The following ANGPT1 variants were observed in gnomAD, a reference collection of about 807,000 sequenced individuals.
The protein encoded by ANGPT1 is angiopoietin 1, also known as angiopoietin-1.
A neutral mutation model predicts 62.2 loss-of-function variants in ANGPT1; 17 were observed. The observed-to-expected ratio is 0.27, with a 90% CI of 0.19 to 0.41. ANGPT1 has a LOEUF of 0.41. ANGPT1 is among the 10% of genes least tolerant of loss of function. The pLI is 1.00. For synonymous variants in ANGPT1, 199 were observed against 198.9 expected (o/e 1.00, Z 0.00); for missense variants, 478 against 594.9 (o/e 0.80, Z 2.04).
chr8:107,296,131 G>A lies in ANGPT1; in HGVS notation c.937-2094C>T, dbSNP rs190910208. Reference sequence around the variant, plus strand: ...TAAAAGCATTTGTTAATAGCATGAAGACAAATGCAATTACTTAAATAAGTA... The same window carrying A: ...TAAAAGCATTTGTTAATAGCATGAAAACAAATGCAATTACTTAAATAAGTA... On this transcript the variant is annotated intron_variant, in intron 5 of 8. Transcript: ENST00000517746. Among the ~76,000 whole-genome samples the A allele has an allele frequency of 7.4e-3, 1,122 of 152,182 alleles. 9 individuals are homozygous for A. The highest frequency in any genetic ancestry group is 0.029 in the South Asian group (138 of 4,820).
intron 1 of ANGPT1, among the ~76,000 whole-genome samples, chr8:107,486,467 T>C (rs1170219940): frequency 6.6e-6 from 1 of 152,166 alleles, no homozygotes; most frequent in Admixed American, 6.5e-5. Flanking sequence ...ATGTAAAGTT[T>C]TTCCAATGGT....
chr8:107,365,891 G>A (rs576319720), intron 1 of ANGPT1, among the ~76,000 whole-genome samples: 2 of 98,590 alleles, frequency 2.0e-5, no homozygotes, highest in Non-Finnish European at 4.1e-5. Flanking sequence ...ACACACACAC[G>A]ATTTTGCCTG....
chr8:107,458,562 T>C (rs1035113950), intron 1 of ANGPT1, among the ~76,000 whole-genome samples: 3 of 152,186 alleles, frequency 2.0e-5, no homozygotes, highest in African/African-American at 7.2e-5. Flanking sequence ...TAGATAATTA[T>C]TGGTGAGTGT....
intron 1 of ANGPT1, among the ~76,000 whole-genome samples, chr8:107,447,420 A>C (rs1811651118): frequency 6.6e-6 from 1 of 152,126 alleles, no homozygotes; most frequent in Admixed American, 6.5e-5. Flanking sequence ...AAGCAAACAG[A>C]CTATACATCC....
intron 4 of ANGPT1, among the ~76,000 whole-genome samples, chr8:107,304,937 G>A (rs1407075558): frequency 6.6e-6 from 1 of 151,856 alleles, no homozygotes; most frequent in African/African-American, 2.4e-5. Flanking sequence ...AAGAAGTACT[G>A]CACAGAATGT....
At chr8:107,265,344 T>C (rs1396039912) in intron 7 of ANGPT1, among the ~76,000 whole-genome samples, 1 of 152,176 alleles carries the variant, frequency 6.6e-6, no homozygotes, top group East Asian at 1.9e-4. Context: ...AGTGGGCAAA[T>C]CACAATAGTT....
At chr8:107,258,947 A>G (rs1319340217) in intron 8 of ANGPT1, among the ~76,000 whole-genome samples, 2 of 152,180 alleles carry the variant, frequency 1.3e-5, no homozygotes, top group South Asian at 4.1e-4. Flanking sequence ...ACATTTACTC[A>G]CTAAACCAAT....
chr8:107,469,437 A>C (rs1812288345), intron 1 of ANGPT1, among the ~76,000 whole-genome samples: 1 of 152,022 alleles, frequency 6.6e-6, no homozygotes. Context: ...TGGGGGGTAC[A>C]CATGATACCA....
chr8:107,381,967 G>A (rs1816646362), intron 1 of ANGPT1, among the ~76,000 whole-genome samples: 2 of 152,110 alleles, frequency 1.3e-5, no homozygotes, highest in Admixed American at 1.3e-4. Context: ...AGACATAGAG[G>A]AAAGACATGC....
chr8:107,325,423 A>G (rs2130078680), intron 3 of ANGPT1, among the ~76,000 whole-genome samples: 2 of 152,278 alleles, frequency 1.3e-5, no homozygotes, highest in Admixed American at 1.3e-4. Context: ...TAGTGAGAAA[A>G]CTTAGCATTA....
rs71562147 is a variant in ANGPT1, at chr8:107,481,532, C to CAAAAAAAAAAAAAAA, written c.297+15715_297+15729dup. On this transcript the variant is annotated intron_variant, in intron 1 of 8. Transcript: ENST00000517746. Reference sequence around the variant, plus strand: ...CTGGCAACAAAGCAAGACTCTGTCTCAAAAAAAAAAAAAAAAAAAAAAAAG... The same window carrying CAAAAAAAAAAAAAAA: ...CTGGCAACAAAGCAAGACTCTGTCTCAAAAAAAAAAAAAAAAAAAAAAAAAAAAAAAAAAAAAAAG... Among the ~76,000 whole-genome samples the CAAAAAAAAAAAAAAA allele has an allele frequency of 2.1e-3, 137 of 64,290 alleles. 1 individual carries two copies. The highest frequency in any genetic ancestry group is 4.0e-3 in the East Asian group (13 of 3,258). 42.2% of individuals were successfully genotyped at this position (64,290 alleles called of 152,430 possible).
intron 1 of ANGPT1, among the ~76,000 whole-genome samples, chr8:107,451,926 C>T (rs888345068): frequency 6.6e-6 from 1 of 151,642 alleles, no homozygotes; most frequent in East Asian, 1.9e-4. Context: ...TGTTTTTCAC[C>T]ATGTTGATCT....
intron 2 of ANGPT1, 35 bp downstream of exon 2, chr8:107,346,907 T>C: frequency 1.3e-6 from 2 of 1,548,502 alleles, no homozygotes; most frequent in Non-Finnish European, 1.7e-6. Flanking sequence ...AAATTTTTCC[T>C]TGTTGAGTCT....
At chr8:107,439,617 A>C (rs901239553) in intron 1 of ANGPT1, among the ~76,000 whole-genome samples, 1 of 152,260 alleles carries the variant, frequency 6.6e-6, no homozygotes, top group Non-Finnish European at 1.5e-5. Flanking sequence ...AATATGAGAC[A>C]GAACTTACAT....
At chr8:107,352,159 A>G (rs1240966121) in intron 1 of ANGPT1, among the ~76,000 whole-genome samples, 2 of 152,206 alleles carry the variant, frequency 1.3e-5, no homozygotes, top group Non-Finnish European at 2.9e-5. Context: ...TTCTGATAAC[A>G]TACAATATTC....
chr8:107,302,842 C>T (rs962821078), intron 5 of ANGPT1, among the ~76,000 whole-genome samples: 1 of 151,922 alleles, frequency 6.6e-6, no homozygotes, highest in Non-Finnish European at 1.5e-5. Context: ...GCTATATCTA[C>T]CCCTCCCTCT....
intron 1 of ANGPT1, among the ~76,000 whole-genome samples, chr8:107,425,104 AC>A: frequency 1.3e-5 from 2 of 152,224 alleles, no homozygotes; most frequent in East Asian, 3.9e-4. Context: ...CAAACTACTG[AC>A]CTTGTGATCC....
chr8:107,430,352 T>G lies in ANGPT1; in HGVS notation c.297+66910A>C, dbSNP rs191757656. 2.5e-4 allele frequency among the ~76,000 whole-genome samples: 38 copies of G among 152,358 alleles called. No individual in the cohort carries two copies. The East Asian group carries it at 6.0e-3, about 24-fold the overall frequency. ...CCATCCTCGGGCTAAGTACTCACAATGCAGCCTGCAGCACCTTGTCACATT... is the reference window on the plus strand; with the variant it reads ...CCATCCTCGGGCTAAGTACTCACAAGGCAGCCTGCAGCACCTTGTCACATT... On this transcript the variant is annotated intron_variant, in intron 1 of 8. Transcript: ENST00000517746.
chr8:107,487,413 C>T (rs1812842415), intron 1 of ANGPT1, among the ~76,000 whole-genome samples: 1 of 151,952 alleles, frequency 6.6e-6, no homozygotes, highest in Admixed American at 6.6e-5. Flanking sequence ...AAAAGCAAAC[C>T]ATTTGGAAGC....
Sources: allele counts gnomAD v4.1 joint callset (sites outside exome capture counted in the v4.1 genomes callset), GRCh38; gene constraint gnomAD v4.1.1; transcripts MANE v1.5; gene names NCBI Gene and HGNC (gene_info 2026-07-23, HGNC 2026-07-21).